Variants in PPM1L observed in about 807,000 individuals in gnomAD.
PPM1L encodes the protein protein phosphatase 1L.
PPM1L carries 13 observed loss-of-function variants against 31.4 expected under a neutral mutation model. That is an observed-to-expected ratio of 0.41 (90% CI 0.27 to 0.66). The LOEUF (loss-of-function observed/expected upper bound fraction) is 0.66. PPM1L is among the 30% of genes least tolerant of loss of function. The pLI, the probability that PPM1L is intolerant of heterozygous loss-of-function variation, is 0.29. For synonymous variants in PPM1L, 184 were observed against 175.4 expected, an observed-to-expected ratio of 1.05 and a Z score of -0.39; for missense variants, 326 against 453.7, an observed-to-expected ratio of 0.72 and a Z score of 2.56.
chr3:161,026,630 A>G (rs1474102710), intron 2 of PPM1L, among the ~76,000 whole-genome samples: 1 of 152,074 alleles, frequency 6.6e-6, no homozygotes, highest in East Asian at 1.9e-4. Flanking sequence ...CCCAGGAGGC[A>G]GAGGTTACAG....
At chr3:160,851,265 T>A (rs1399128966) in intron 1 of PPM1L, among the ~76,000 whole-genome samples, 1 of 152,228 alleles carries the variant, frequency 6.6e-6, no homozygotes, top group Non-Finnish European at 1.5e-5. Flanking sequence ...CTGATTTATC[T>A]GTATTTACTT....
chr3:160,886,651 G>A (rs187079697), intron 1 of PPM1L, among the ~76,000 whole-genome samples: 24 of 152,156 alleles, frequency 1.6e-4, no homozygotes, highest in African/African-American at 5.8e-4. Flanking sequence ...ACAACAGAAA[G>A]CCACAACATC....
intron 1 of PPM1L, among the ~76,000 whole-genome samples, chr3:160,828,041 C>T (rs1713408708): frequency 6.6e-6 from 1 of 151,970 alleles, no homozygotes; most frequent in African/African-American, 2.4e-5. Flanking sequence ...GAGTACCCAG[C>T]CTCCCTCATG....
At chr3:160,953,388 A>G (rs922858098) in intron 1 of PPM1L, among the ~76,000 whole-genome samples, 7 of 152,224 alleles carry the variant, frequency 4.6e-5, no homozygotes, top group African/African-American at 1.4e-4. Context: ...CAACCATGAC[A>G]TATGAATTAT....
rs537505527 is a variant in PPM1L at position 161,075,816 on chromosome 3, G to C, written c.*6659G>C. On this transcript the variant is annotated 3_prime_UTR_variant, in exon 4 of 4. Coordinates refer to ENST00000498165, the MANE Select transcript of PPM1L (RefSeq NM_139245.4). ...AAAATGAACATTCTCAGTTATTTGC[G>C]AAGTTAGTAAAATTGCAGTCCCTAT... The C allele has an allele frequency of 6.6e-6, 1 of 152,134 alleles. No homozygotes were observed. Among genetic ancestry groups the C allele is most frequent in the Non-Finnish European group, 1.5e-5 (1 of 68,036 alleles). 9.4% of individuals were successfully genotyped at this position (152,134 alleles called of 1,614,324 possible).
intron 1 of PPM1L, among the ~76,000 whole-genome samples, chr3:160,835,048 T>A (rs1464135077): frequency 7.0e-6 from 1 of 142,616 alleles, no homozygotes; most frequent in Non-Finnish European, 1.5e-5. Context: ...TACTTCTTCT[T>A]CTTCTTCTTC....
intron 1 of PPM1L, among the ~76,000 whole-genome samples, chr3:160,838,188 CATGG>C (rs1713774875): frequency 1.3e-5 from 2 of 152,126 alleles, no homozygotes; most frequent in Non-Finnish European, 2.9e-5. Flanking sequence ...AACTTCCTTC[CATGG>C]TTATGAAGTA....
chr3:160,804,076 C>T (rs1211999723), intron 1 of PPM1L, among the ~76,000 whole-genome samples: 1 of 151,708 alleles, frequency 6.6e-6, no homozygotes, highest in Non-Finnish European at 1.5e-5. Context: ...CGCCACCACG[C>T]CCAGCTAATT....
intron 2 of PPM1L, among the ~76,000 whole-genome samples, chr3:161,051,734 G>A (rs1402939068): frequency 1.3e-5 from 2 of 152,168 alleles, no homozygotes; most frequent in Non-Finnish European, 2.9e-5. Flanking sequence ...TGATAGCATA[G>A]TCTTTATTTT....
intron 1 of PPM1L, among the ~76,000 whole-genome samples, chr3:160,812,199 C>T (rs56141155): frequency 0.092 from 13,938 of 152,184 alleles, 975 homozygotes; most frequent in African/African-American, 0.19. Context: ...TGGTGGTAAT[C>T]TGCTGCCAAG....
chr3:160,941,554 G>C (rs1373800834), intron 1 of PPM1L, among the ~76,000 whole-genome samples: 1 of 152,068 alleles, frequency 6.6e-6, no homozygotes, highest in Admixed American at 6.6e-5. Context: ...TTCTGCTTTT[G>C]CTTCTTCCTC....
At chr3:161,059,658 T>C (rs1472580166) in intron 2 of PPM1L, among the ~76,000 whole-genome samples, 1 of 152,124 alleles carries the variant, frequency 6.6e-6, no homozygotes, top group Non-Finnish European at 1.5e-5. Context: ...TGGATCTGTG[T>C]CCCTTCCCAA....
intron 2 of PPM1L, among the ~76,000 whole-genome samples, chr3:161,028,943 TA>T (rs1718483699): frequency 6.6e-6 from 1 of 152,202 alleles, no homozygotes. Flanking sequence ...TCCGTACTAA[TA>T]AAAGTCTAAT....
chr3:160,884,770 T>G (rs965665995), intron 1 of PPM1L, among the ~76,000 whole-genome samples: 1 of 152,154 alleles, frequency 6.6e-6, no homozygotes, highest in African/African-American at 2.4e-5. Flanking sequence ...AGGGAAAGCT[T>G]AGTAGATGAA....
intron 2 of PPM1L, among the ~76,000 whole-genome samples, chr3:161,054,926 A>C (rs1483762324): frequency 1.3e-5 from 2 of 152,174 alleles, no homozygotes; most frequent in African/African-American, 4.8e-5. Flanking sequence ...ATGACTTTCA[A>C]GCCCATTACT....
At chr3:160,823,475 A>C (rs866967902) in intron 1 of PPM1L, among the ~76,000 whole-genome samples, 1 of 151,892 alleles carries the variant, frequency 6.6e-6, no homozygotes, top group Non-Finnish European at 1.5e-5. Flanking sequence ...GGCCTCCCAA[A>C]GTGCTGGCAT....
At position 160,853,999 on chromosome 3, in the gene PPM1L, G is replaced by A. The variant is rs568507806; in HGVS notation, c.399+97292G>A. 3.9e-5 allele frequency among the ~76,000 whole-genome samples: 6 copies of A among 152,266 alleles called. No individual in the cohort carries two copies. In the South Asian group the frequency reaches 1.2e-3, roughly 32 times the overall value. ...TCTGATCACAAGTCCCCACACGTCG[G>A]TTGTAGATAGCAATGTCAAGTTAGT... On this transcript the variant is annotated intron_variant, in intron 1 of 3. Coordinates refer to ENST00000498165, the MANE Select transcript of PPM1L (RefSeq NM_139245.4).
chr3:160,814,474 T>TAC (rs1393260681), intron 1 of PPM1L, among the ~76,000 whole-genome samples: 1 of 148,044 alleles, frequency 6.8e-6, no homozygotes, highest in Admixed American at 6.8e-5. Context: ...ATGTGGTGTA[T>TAC]ATACACACAC....
At chr3:160,866,107 T>A (rs1445707933) in intron 1 of PPM1L, among the ~76,000 whole-genome samples, 6 of 152,190 alleles carry the variant, frequency 3.9e-5, no homozygotes, top group Non-Finnish European at 2.9e-5. Flanking sequence ...CAGTTTGTTT[T>A]TCTCCCCCTG....
Sources: gnomAD v4.1 joint callset for allele counts (sites outside exome capture counted in the v4.1 genomes callset) on GRCh38, gnomAD v4.1.1 for gene constraint, MANE v1.5 for transcripts, NCBI Gene and HGNC (gene_info 2026-07-23, HGNC 2026-07-21) for gene names.